The following NKAIN2 variants were observed in gnomAD, a reference collection of about 807,000 sequenced individuals.
NKAIN2 encodes the protein sodium/potassium transporting ATPase interacting 2.
Under a neutral mutation model 32.6 loss-of-function variants are expected in NKAIN2, and 14 were observed. The ratio of observed to expected loss-of-function variants is 0.43; its 90% CI spans 0.28 to 0.67. The LOEUF is 0.67. Among genes scored for constraint, NKAIN2 ranks in the 30% least tolerant of loss-of-function variants. NKAIN2 has a pLI of 0.17. For missense variants in NKAIN2, 198 were observed against 258.3 expected (o/e 0.77, Z 1.60); for synonymous variants, 80 against 87.2 (o/e 0.92, Z 0.46).
rs1187365067 is a variant in NKAIN2, at chr6:124,720,719, G to A, written c.474+62333G>A. Among the ~76,000 whole-genome samples, 7 of 152,240 alleles carry A rather than the reference G, an allele frequency of 4.6e-5. No homozygotes were observed. In the Middle Eastern group the frequency reaches 0.01, roughly 222 times the overall value. ...GCAAACCTGCATCGTGGGACTGGGC[G>A]ACACCTCAGTCCCAGTGACCACATC... On this transcript the variant is annotated intron_variant, in intron 4 of 6. Transcript: ENST00000368417.
At chr6:124,616,611 C>T (rs1782912100) in intron 3 of NKAIN2, among the ~76,000 whole-genome samples, 1 of 150,510 alleles carries the variant, frequency 6.6e-6, no homozygotes, top group African/African-American at 2.4e-5. Context: ...ACTACAGCCG[C>T]CCGCCACCAC....
intron 5 of NKAIN2, among the ~76,000 whole-genome samples, chr6:124,799,232 T>A (rs1171315397): frequency 6.6e-6 from 1 of 152,184 alleles, no homozygotes; most frequent in Admixed American, 6.6e-5. Context: ...TCCAACAGTG[T>A]TACATGTAAT....
chr6:124,349,007 T>C (rs1798586445), intron 2 of NKAIN2, among the ~76,000 whole-genome samples: 1 of 152,262 alleles, frequency 6.6e-6, no homozygotes, highest in East Asian at 1.9e-4. Flanking sequence ...AGCAGTTGTT[T>C]TTAAGACAAG....
intron 3 of NKAIN2, among the ~76,000 whole-genome samples, chr6:124,510,607 T>G (rs1293356472): frequency 2.6e-5 from 4 of 152,198 alleles, no homozygotes; most frequent in Non-Finnish European, 5.9e-5. Context: ...ATAAGCAATC[T>G]GGTTCACAGT....
At chr6:124,040,696 C>G (rs2114808636) in intron 1 of NKAIN2, among the ~76,000 whole-genome samples, 1 of 152,050 alleles carries the variant, frequency 6.6e-6, no homozygotes, top group South Asian at 2.1e-4. Context: ...GGTAAGAACT[C>G]TGGGACTTCC....
intron 1 of NKAIN2, among the ~76,000 whole-genome samples, chr6:124,135,498 C>A: frequency 8.8e-6 from 1 of 113,264 alleles, no homozygotes. Context: ...ACAAAACAGA[C>A]TTTAAAGCAA....
At chr6:123,902,641 A>G (rs1263793914) in intron 1 of NKAIN2, among the ~76,000 whole-genome samples, 3 of 152,210 alleles carry the variant, frequency 2.0e-5, no homozygotes, top group Admixed American at 6.5e-5. Context: ...TGATTGCAGA[A>G]TTAATTTAAC....
At chr6:124,698,318 T>C (rs1167878406) in intron 4 of NKAIN2, among the ~76,000 whole-genome samples, 3 of 152,166 alleles carry the variant, frequency 2.0e-5, no homozygotes, top group Non-Finnish European at 2.9e-5. Flanking sequence ...TTTTTAATTT[T>C]TTATGTTAGA....
At chr6:124,208,748 C>T (rs956363631) in intron 1 of NKAIN2, among the ~76,000 whole-genome samples, 10 of 139,620 alleles carry the variant, frequency 7.2e-5, no homozygotes, top group African/African-American at 2.3e-4. Flanking sequence ...ATATTATTCC[C>T]TCAATGCATG....
intron 1 of NKAIN2, among the ~76,000 whole-genome samples, chr6:124,191,722 G>A (rs1244445168): frequency 1.3e-5 from 2 of 152,082 alleles, no homozygotes; most frequent in Non-Finnish European, 2.9e-5. Flanking sequence ...GTTAGCCCTT[G>A]GTTTTCCAGA....
chr6:124,133,799 A>T lies in NKAIN2; in HGVS notation c.55-149206A>T, dbSNP rs188618350. 3.9e-5 allele frequency among the ~76,000 whole-genome samples: 6 copies of T among 152,230 alleles called. No individual in the cohort carries two copies. The East Asian group carries it at 1.2e-3, about 29-fold the overall frequency. ...AGTCTTCACCCCTAGAGCACTAATAATCAAATTAGGCTAAAATAAACATTA... is the reference window on the plus strand; with the variant it reads ...AGTCTTCACCCCTAGAGCACTAATATTCAAATTAGGCTAAAATAAACATTA... On this transcript the variant is annotated intron_variant, in intron 1 of 6. Transcript: ENST00000368417.
rs546382312 is a variant in NKAIN2 at position 124,409,541 on chromosome 6, A to C, written c.273+54194A>C. The stretch of plus-strand genomic sequence containing the variant: ...GACCAGCCTTGCATCCCAGGGATGA[A>C]GCCCACTTGATCATGGTGGATAAGC... On this transcript the variant is annotated intron_variant, in intron 3 of 6. Coordinates refer to ENST00000368417, the MANE Select transcript of NKAIN2 (RefSeq NM_001040214.3). Among the ~76,000 whole-genome samples the C allele has an allele frequency of 3.3e-5, 5 of 152,306 alleles. No homozygotes were observed. The South Asian group carries it at 6.2e-4, about 19-fold the overall frequency.
At chr6:124,744,984 A>T (rs1341838051) in intron 4 of NKAIN2, among the ~76,000 whole-genome samples, 1 of 151,850 alleles carries the variant, frequency 6.6e-6, no homozygotes, top group East Asian at 1.9e-4. Flanking sequence ...ATTAACAAAG[A>T]TTCCATCAAG....
chr6:124,768,951 C>A (rs926026129), intron 4 of NKAIN2, among the ~76,000 whole-genome samples: 2 of 152,122 alleles, frequency 1.3e-5, no homozygotes, highest in Admixed American at 6.5e-5. Flanking sequence ...AATTCATTCA[C>A]CCCTCAGAAA....
intron 4 of NKAIN2, among the ~76,000 whole-genome samples, chr6:124,709,548 T>G (rs1351958401): frequency 4.0e-5 from 6 of 150,658 alleles, no homozygotes; most frequent in Non-Finnish European, 8.9e-5. Flanking sequence ...AGATTCAACT[T>G]CTTCCTGGTT....
chr6:124,119,428 G>A (rs912761929), intron 1 of NKAIN2, among the ~76,000 whole-genome samples: 1 of 152,132 alleles, frequency 6.6e-6, no homozygotes, highest in Admixed American at 6.5e-5. Context: ...TCCTTATCAG[G>A]AAGTTGGGCA....
In NKAIN2 at chr6:124,635,036, G is replaced by T. The variant is rs559463997; in HGVS notation, c.274-23150G>T. 7.3e-5 allele frequency among the ~76,000 whole-genome samples: 11 copies of T among 149,862 alleles called. No individual in the cohort carries two copies. The South Asian group carries it at 2.1e-3, about 29-fold the overall frequency. ...AAAGACAAGGTAAGGAAAGGAAGAAGAGGAAGGAAGGAAGGAAAGAGAGAA... is the reference window on the plus strand; with the variant it reads ...AAAGACAAGGTAAGGAAAGGAAGAATAGGAAGGAAGGAAGGAAAGAGAGAA... On this transcript the variant is annotated intron_variant, in intron 3 of 6. Transcript: ENST00000368417.
chr6:123,851,244 A>ATTTTTTTTTTTTTTTTTTTTTTTTTTTTT, intron 1 of NKAIN2, among the ~76,000 whole-genome samples: 1 of 88,196 alleles, frequency 1.1e-5, no homozygotes, highest in Non-Finnish European at 2.0e-5. Flanking sequence ...TGGTGGTTCT[A>ATTTTTTTTTTTTTTTTTTTTTTTTTTTTT]TTTTTTTTTT....
intron 1 of NKAIN2, among the ~76,000 whole-genome samples, chr6:124,233,123 C>T (rs192709297): frequency 6.6e-6 from 1 of 151,784 alleles, no homozygotes; most frequent in East Asian, 1.9e-4. Flanking sequence ...CATATTACCA[C>T]AACAATCAAA....
Sources: allele counts gnomAD v4.1 joint callset (sites outside exome capture counted in the v4.1 genomes callset), GRCh38; gene constraint gnomAD v4.1.1; transcripts MANE v1.5; gene names NCBI Gene and HGNC (gene_info 2026-07-23, HGNC 2026-07-21).